Variants in ABCA8 observed in about 807,000 individuals in gnomAD.
The protein encoded by ABCA8 is ATP binding cassette subfamily A member 8, also known as ABC-type organic anion transporter ABCA8.
ABCA8 carries 177 observed loss-of-function variants against 192.3 expected under a neutral mutation model. The observed-to-expected ratio is 0.92, with a 90% confidence interval of 0.81 to 1.04. ABCA8 has a LOEUF of 1.04. Ranked by LOEUF, ABCA8 falls within the 50% of genes least tolerant of loss-of-function variation. The probability of loss-of-function intolerance (pLI) is 0.00; values close to 1 mark genes in which losing one functional copy is unlikely to be tolerated. For synonymous variants in ABCA8, 642 were observed against 690.2 expected (o/e 0.93, Z 1.09); for missense variants, 1,915 against 1,904.8 (o/e 1.01, Z -0.10).
chr17:68,883,940 A>G (rs8080098), intron 28 of ABCA8, 58 bp from the exon 29 acceptor site: 861,801 of 1,102,996 alleles, frequency 0.78, 339,260 homozygotes, highest in East Asian at 1. Flanking sequence ...TTCAATATCA[A>G]AGATATACTA....
intron 37 of ABCA8, among the ~76,000 whole-genome samples, chr17:68,873,415 A>G (rs1330718514): frequency 6.6e-6 from 1 of 152,146 alleles, no homozygotes; most frequent in Non-Finnish European, 1.5e-5. Flanking sequence ...AAGTATCCCT[A>G]TTGTTCAGCA....
At position 68,867,512 on chromosome 17, in the gene ABCA8, T is replaced by C. The variant is rs964563904; in HGVS notation, c.*573A>G. On this transcript the variant is annotated 3_prime_UTR_variant, in exon 40 of 40. Coordinates refer to ENST00000586539, the MANE Select transcript of ABCA8 (RefSeq NM_001288985.2). ...CAATATATTTGAAATAGTAGGGTTT[T>C]TGTTTTCCATTTATGCCTACATCAT... 1.3e-5 allele frequency: 2 copies of C among 152,192 alleles called. No homozygotes were observed. The highest frequency in any genetic ancestry group is 2.4e-5 in the African/African-American group (1 of 41,464). The allele number at this position is 152,192 out of a possible 1,614,324, so 9.4% of individuals were successfully genotyped here.
At chr17:68,894,779 T>C (rs2066703426) in intron 22 of ABCA8, 101 bp downstream of exon 22, 1 of 1,258,408 alleles carries the variant, frequency 7.9e-7, no homozygotes, top group African/African-American at 1.5e-5. Flanking sequence ...ATGAAAACAG[T>C]ATTTGCTTTT....
At chr17:68,915,158 A>G (rs2067323566) in intron 17 of ABCA8, among the ~76,000 whole-genome samples, 1 of 152,114 alleles carries the variant, frequency 6.6e-6, no homozygotes, top group Non-Finnish European at 1.5e-5. Flanking sequence ...AGACTTACTT[A>G]TAAGTCCTCA....
intron 5 of ABCA8, among the ~76,000 whole-genome samples, chr17:68,936,535 A>G (rs8077857): frequency 0.039 from 5,928 of 152,120 alleles, 365 homozygotes; most frequent in African/African-American, 0.13. Context: ...ATTTATGTAC[A>G]TGTCTATTTT....
intron 19 of ABCA8, among the ~76,000 whole-genome samples, chr17:68,904,041 G>A (rs151039386): frequency 3.9e-5 from 6 of 152,010 alleles, no homozygotes; most frequent in South Asian, 2.1e-4. Flanking sequence ...GCACACACCC[G>A]TAAATGTATA....
intron 37 of ABCA8, among the ~76,000 whole-genome samples, chr17:68,871,756 C>T (rs1300489458): frequency 6.6e-6 from 1 of 152,052 alleles, no homozygotes; most frequent in Non-Finnish European, 1.5e-5. Context: ...GCCATGATGA[C>T]ATTATAGCAT....
intron 14 of ABCA8, among the ~76,000 whole-genome samples, chr17:68,918,810 A>G (rs2067456244): frequency 1.3e-5 from 2 of 151,904 alleles, no homozygotes; most frequent in African/African-American, 4.8e-5. Flanking sequence ...CGTGCCTGTA[A>G]TCCCAGCTAC....
At chr17:68,948,439 T>C (rs1271295372) in intron 2 of ABCA8, among the ~76,000 whole-genome samples, 1 of 152,218 alleles carries the variant, frequency 6.6e-6, no homozygotes, top group Non-Finnish European at 1.5e-5. Flanking sequence ...ATCGCCATTC[T>C]GACTGGCATG....
Position 68,929,687 on chromosome 17 carries a change from C to A in ABCA8, c.813G>T (p.Leu271Phe), listed in dbSNP as rs1406356548. 2.5e-6 allele frequency: 4 copies of A among 1,612,122 alleles called. No homozygotes were observed. Among genetic ancestry groups the A allele is most frequent in the Non-Finnish European group, 3.4e-6 (4 of 1,179,266 alleles). Residue 271 changes from leucine to phenylalanine, a missense_variant, in exon 8 of 40, where the codon TTG becomes TTT. By Grantham distance (22) the Leu-to-Phe change is conservative. Transcript: ENST00000586539. ...RDSAFWLSWGLLYAGFIFIMA... is the reference protein window; with the variant it reads ...RDSAFWLSWGFLYAGFIFIMA... ...TAATGAAGATGAAACCAGCATAGAG[C>A]AAACCCCAGGAGAGCCTAATGTGGA...
rs1041332554 is a variant in ABCA8 at position 68,876,688 on chromosome 17, G to A, written c.4215C>T (p.Leu1405=). 1.2e-6 allele frequency: 2 copies of A among 1,614,160 alleles called. No homozygotes were observed. The highest frequency in any genetic ancestry group is 1.3e-5 in the African/African-American group (1 of 75,048). The change falls in exon 34 of 40, where the codon CTC becomes CTT. Residue 1405 remains leucine, a synonymous_variant. Coordinates refer to ENST00000586539, the MANE Select transcript of ABCA8 (RefSeq NM_001288985.2). ...EVAITRLVDA[L]KLQDQLKSPV... is the part of the protein sequence containing the mutation. The stretch of plus-strand genomic sequence containing the variant: ...GAGACTTCAGCTGGTCCTGCAGCTT[G>A]AGCGCATCCACTAACCTGAAGGAAA...
At chr17:68,878,641 A>C (rs1266161467) in intron 32 of ABCA8, 1 of 152,194 alleles carries the variant, frequency 6.6e-6, no homozygotes, top group Non-Finnish European at 1.5e-5. Context: ...TTTCATTCCA[A>C]TGTATTAATG....
At chr17:68,949,966 A>G (rs2068524075) in intron 1 of ABCA8, among the ~76,000 whole-genome samples, 1 of 152,196 alleles carries the variant, frequency 6.6e-6, no homozygotes, top group South Asian at 2.1e-4. Flanking sequence ...AGAGAAAGAA[A>G]TAAAGGTATT....
Position 68,917,416 on chromosome 17 carries a change from A to G in ABCA8, c.2083T>C (p.Cys695Arg), listed in dbSNP as rs748212968. 1.2e-6 allele frequency: 2 copies of G among 1,612,262 alleles called. No homozygotes were observed. The highest frequency in any genetic ancestry group is 2.7e-5 in the African/African-American group (2 of 74,830). ...KVFLSQGKLK[C>R]AGSSLFLKKK... ...TTTAGAAACAAAGAAGAGCCCGCGC[A>G]CTTTAGCTTCCCTTGGGAGAGAAAT... Residue 695 changes from cysteine to arginine, a missense_variant, in exon 17 of 40, where the codon TGC becomes CGC. By Grantham distance (180) the Cys-to-Arg change is radical. Coordinates refer to ENST00000586539, the MANE Select transcript of ABCA8 (RefSeq NM_001288985.2).
chr17:68,945,809 ATG>A (rs527422110), intron 2 of ABCA8, among the ~76,000 whole-genome samples: 5 of 151,676 alleles, frequency 3.3e-5, no homozygotes, highest in Admixed American at 1.3e-4. Context: ...TTGTGTGTAT[ATG>A]TGTGTGTGTG....
chr17:68,878,115 A>G (rs1347754987), intron 32 of ABCA8: 1 of 154,504 alleles, frequency 6.5e-6, no homozygotes, highest in East Asian at 1.9e-4. Context: ...TGGAGTTTTC[A>G]TTCTACTGAA....
intron 23 of ABCA8, among the ~76,000 whole-genome samples, chr17:68,892,207 A>G (rs1598209408): frequency 6.6e-6 from 1 of 152,306 alleles, no homozygotes; most frequent in South Asian, 2.1e-4. Context: ...CATGATTCTC[A>G]TAGTTGCTTC....
rs143985039 is a variant in ABCA8, at chr17:68,940,889, G to T, written c.170C>A (p.Ser57Tyr). ...YPHSHQVNDF[S>Y]SLLTMDLGRV... Reference sequence around the variant, plus strand: ...TCCCAGGTCCATGGTAAGCAGTGAAGAAAAATCATTTACTTGATGACTATG... The same window carrying T: ...TCCCAGGTCCATGGTAAGCAGTGAATAAAAATCATTTACTTGATGACTATG... Residue 57 changes from serine to tyrosine, a missense_variant, in exon 4 of 40, where the codon TCT (serine) becomes TAT (tyrosine). Ser to Tyr is a moderately radical substitution (Grantham distance 144, BLOSUM62 -2). Coordinates refer to ENST00000586539, the MANE Select transcript of ABCA8 (RefSeq NM_001288985.2). 120 of 1,612,930 alleles carry T rather than the reference G, an allele frequency of 7.4e-5. No individual in the cohort carries two copies. The East Asian group carries it at 2.3e-3, about 31-fold the overall frequency.
At chr17:68,948,931 A>G (rs1378029741) in intron 2 of ABCA8, among the ~76,000 whole-genome samples, 1 of 152,140 alleles carries the variant, frequency 6.6e-6, no homozygotes, top group Non-Finnish European at 1.5e-5. Context: ...AGGTGTAAGG[A>G]AGGGGTCCAG....
Sources: gnomAD v4.1 joint callset for allele counts (sites outside exome capture counted in the v4.1 genomes callset) on GRCh38, gnomAD v4.1.1 for gene constraint, MANE v1.5 for transcripts, NCBI Gene and HGNC (gene_info 2026-07-23, HGNC 2026-07-21) for gene names.